Variants in ABL2 observed in about 807,000 individuals in gnomAD.
ABL2 encodes the protein tyrosine-protein kinase ABL2.
Under a neutral mutation model 107.7 loss-of-function variants are expected in ABL2, and 49 were observed. The ratio of observed to expected loss-of-function variants is 0.45; its 90% confidence interval spans 0.36 to 0.58. The LOEUF (loss-of-function observed/expected upper bound fraction) is 0.58, where lower values mean the gene tolerates loss of function less well. Ranked by LOEUF, ABL2 falls within the 20% of genes least tolerant of loss-of-function variation. The pLI is 0.00. For synonymous variants in ABL2, 549 were observed against 548.6 expected (o/e 1.00, Z -0.01); for missense variants, 1,245 against 1,457.0 (o/e 0.85, Z 2.37).
chr1:179,132,227 C>A (rs534605638), intron 2 of ABL2, among the ~76,000 whole-genome samples: 39 of 152,280 alleles, frequency 2.6e-4, no homozygotes, highest in Non-Finnish European at 4.9e-4. Context: ...ACATTACTAT[C>A]ATCGGGCATT....
intron 1 of ABL2, among the ~76,000 whole-genome samples, chr1:179,181,294 A>G (rs1660361667): frequency 6.6e-6 from 1 of 152,228 alleles, no homozygotes; most frequent in Non-Finnish European, 1.5e-5. Context: ...TGAAGAGGAA[A>G]ATAATTTTGG....
At chr1:179,212,401 G>A (rs1457900787) in intron 1 of ABL2, among the ~76,000 whole-genome samples, 1 of 152,160 alleles carries the variant, frequency 6.6e-6, no homozygotes, top group Non-Finnish European at 1.5e-5. Flanking sequence ...TGTTCTCACA[G>A]GTCTTACCAT....
intron 1 of ABL2, among the ~76,000 whole-genome samples, chr1:179,214,257 A>T (rs1033463490): frequency 6.6e-6 from 1 of 152,036 alleles, no homozygotes; most frequent in African/African-American, 2.4e-5. Context: ...CCATAAAAAC[A>T]CAATAATGCA....
rs1160056092 is a variant in ABL2, at chr1:179,193,740, GT to G, written c.157+35500del. On this transcript the variant is annotated intron_variant, in intron 1 of 11. Coordinates refer to ENST00000502732, the MANE Select transcript of ABL2 (RefSeq NM_007314.4). Reference sequence around the variant, plus strand: ...GTTGCTGTTGTATTTTGTTTTTTTGGTTTTTTTTGGAGACGGAGTCTCGCTC... The same window carrying G: ...GTTGCTGTTGTATTTTGTTTTTTTGGTTTTTTTGGAGACGGAGTCTCGCTC... Among the ~76,000 whole-genome samples the G allele has an allele frequency of 2.8e-5, 4 of 145,092 alleles. No homozygotes were observed. In the East Asian group the frequency reaches 6.3e-4, roughly 23 times the overall value.
At chr1:179,179,466 T>G (rs977384662) in intron 1 of ABL2, among the ~76,000 whole-genome samples, 8 of 152,156 alleles carry the variant, frequency 5.3e-5, no homozygotes, top group African/African-American at 1.9e-4. Flanking sequence ...AAGGGTTTTT[T>G]TTTTGTAATA....
intron 1 of ABL2, among the ~76,000 whole-genome samples, chr1:179,136,950 A>G (rs1657087788): frequency 6.7e-6 from 1 of 150,274 alleles, no homozygotes; most frequent in Admixed American, 6.6e-5. Context: ...TAACTTCTAC[A>G]TGATATACAC....
chr1:179,211,870 G>A lies in ABL2; in HGVS notation c.157+17371C>T, dbSNP rs151053504. On this transcript the variant is annotated intron_variant, in intron 1 of 11. Transcript: ENST00000502732. ...ACTCAGATTAGTTCAAAGCACCTCCGTGGAATAAAATCTGCACTGTAACAT... is the reference window on the plus strand; with the variant it reads ...ACTCAGATTAGTTCAAAGCACCTCCATGGAATAAAATCTGCACTGTAACAT... 2.6e-3 allele frequency among the ~76,000 whole-genome samples: 388 copies of A among 152,096 alleles called. 3 individuals are homozygous for A. The highest frequency in any genetic ancestry group is 9.8e-3 in the East Asian group (51 of 5,180).
At chr1:179,216,037 T>C (rs72709488) in intron 1 of ABL2, among the ~76,000 whole-genome samples, 3,356 of 152,360 alleles carry the variant, frequency 0.022, 66 homozygotes, top group Middle Eastern at 0.054. Context: ...TGAAAGGTTT[T>C]TGAACACTTC....
chr1:179,226,310 CTTTTTTTT>C (rs745831850), intron 1 of ABL2, among the ~76,000 whole-genome samples: 3,071 of 131,008 alleles, frequency 0.023, 62 homozygotes, highest in Middle Eastern at 0.055. Context: ...ATTATCCCTA[CTTTTTTTT>C]TTTTTTTTTT....
At chr1:179,156,386 A>C (rs1376442460) in intron 1 of ABL2, among the ~76,000 whole-genome samples, 1 of 152,224 alleles carries the variant, frequency 6.6e-6, no homozygotes, top group Non-Finnish European at 1.5e-5. Flanking sequence ...GAGAAAAACC[A>C]TACTTGAAAT....
intron 1 of ABL2, among the ~76,000 whole-genome samples, chr1:179,223,104 CCT>C (rs1662967875): frequency 8.1e-6 from 1 of 122,934 alleles, no homozygotes; most frequent in Non-Finnish European, 1.7e-5. Context: ...AGCAAGGCTC[CCT>C]CTCAAAAAAA....
chr1:179,199,670 C>G (rs2816206), intron 1 of ABL2, among the ~76,000 whole-genome samples: 45,626 of 151,538 alleles, frequency 0.3, 7,780 homozygotes, highest in East Asian at 0.43. Context: ...ATTAAACAAT[C>G]ACAGTTAATA....
chr1:179,198,842 C>CT (rs554794092), intron 1 of ABL2, among the ~76,000 whole-genome samples: 3,958 of 137,262 alleles, frequency 0.029, 80 homozygotes, highest in African/African-American at 0.06. Context: ...CCAAATTATC[C>CT]TTTTTTTTTT....
At chr1:179,166,161 A>C (rs1185676852) in intron 1 of ABL2, among the ~76,000 whole-genome samples, 1 of 152,112 alleles carries the variant, frequency 6.6e-6, no homozygotes, top group Admixed American at 6.6e-5. Flanking sequence ...ACATAGGAAA[A>C]ATGCTTCAGG....
At chr1:179,128,731 G>A (rs555925699) in intron 3 of ABL2, among the ~76,000 whole-genome samples, 106 of 152,260 alleles carry the variant, frequency 7.0e-4, no homozygotes, top group Non-Finnish European at 1.2e-3. Context: ...GTCGCCACGC[G>A]GCAGTGCAGC....
intron 1 of ABL2, among the ~76,000 whole-genome samples, chr1:179,203,027 A>C (rs1050835871): frequency 1.3e-5 from 2 of 152,210 alleles, no homozygotes; most frequent in African/African-American, 4.8e-5. Context: ...TTAAAAGGAT[A>C]CACCCCAGAA....
Position 179,108,826 on chromosome 1 carries a change from CTTTCCAGCTGG to C in ABL2, c.2430_2440del (p.Gln811AspfsTer17). The C allele has an allele frequency of 6.2e-7, 1 of 1,614,182 alleles. No individual in the cohort carries two copies. The highest frequency in any genetic ancestry group is 8.5e-7 in the Non-Finnish European group (1 of 1,180,044). Reference sequence around the variant, plus strand: ...TGGCTGAGAAGAGGTGGACACTGTCCTTTCCAGCTGGAGTTTGGACCTCTGGCAGTTCCTGG... The same window carrying C: ...TGGCTGAGAAGAGGTGGACACTGTCCAGTTTGGACCTCTGGCAGTTCCTGG... On this transcript the variant is annotated frameshift_variant, in exon 12 of 12. Coordinates refer to ENST00000502732, the MANE Select transcript of ABL2 (RefSeq NM_007314.4). LOFTEE classifies it high-confidence loss of function.
chr1:179,181,776 T>A (rs1238651466), intron 1 of ABL2, among the ~76,000 whole-genome samples: 3 of 151,822 alleles, frequency 2.0e-5, no homozygotes, highest in African/African-American at 4.8e-5. Context: ...TTTTAATTTT[T>A]ATTTTATTTT....
intron 1 of ABL2, among the ~76,000 whole-genome samples, chr1:179,193,362 C>CTT (rs774791259): frequency 4.9e-5 from 7 of 142,410 alleles, no homozygotes; most frequent in Non-Finnish European, 9.3e-5. Flanking sequence ...TAAATGTCTG[C>CTT]TTTTTTTTTT....
Sources: allele counts gnomAD v4.1 joint callset (sites outside exome capture counted in the v4.1 genomes callset), GRCh38; gene constraint gnomAD v4.1.1; transcripts MANE v1.5; gene names NCBI Gene and HGNC (gene_info 2026-07-23, HGNC 2026-07-21).